Variants in ZFPM2 observed in about 807,000 individuals in gnomAD.
The protein encoded by ZFPM2 is zinc finger protein, FOG family member 2.
ZFPM2 carries 20 observed loss-of-function variants against 98.6 expected under a neutral mutation model. The observed-to-expected ratio is 0.20, with a 90% CI of 0.14 to 0.29. ZFPM2 has a LOEUF of 0.29. Ranked by LOEUF, ZFPM2 falls within the 10% of genes least tolerant of loss-of-function variation. The probability of loss-of-function intolerance (pLI) is 1.00; values close to 1 mark genes in which losing one functional copy is unlikely to be tolerated. For missense variants in ZFPM2, 1,310 were observed against 1,388.6 expected (o/e 0.94, Z 0.90); for synonymous variants, 518 against 502.7 (o/e 1.03, Z -0.41).
At chr8:105,703,135 A>G (rs1811177967) in intron 5 of ZFPM2, among the ~76,000 whole-genome samples, 1 of 152,178 alleles carries the variant, frequency 6.6e-6, no homozygotes, top group South Asian at 2.1e-4. Context: ...GGTAAGAACC[A>G]ATGAGAATGA....
intron 5 of ZFPM2, among the ~76,000 whole-genome samples, chr8:105,672,843 C>A (rs1273139972): frequency 6.6e-6 from 1 of 152,156 alleles, no homozygotes; most frequent in Non-Finnish European, 1.5e-5. Context: ...GAATCATGGA[C>A]GTTAGTTTTC....
chr8:105,801,727 A>G lies in ZFPM2; in HGVS notation c.1645A>G (p.Thr549Ala). The G allele has an allele frequency of 6.2e-7, 1 of 1,613,934 alleles. No homozygotes were observed. The highest frequency in any genetic ancestry group is 8.5e-7 in the Non-Finnish European group (1 of 1,179,872). ...IYSPLMPKGA[T>A]CFECNITFNN... is the part of the protein sequence containing the mutation. ...CAGCCCTTTGATGCCCAAGGGGGCT[A>G]CTTGTTTTGAGTGTAACATAACATT... The change falls in exon 8 of 8, where the codon ACT (threonine) becomes GCT (alanine). Residue 549 changes from threonine (T) to alanine (A), a missense_variant. By Grantham distance (58) the Thr-to-Ala change is moderately conservative. Transcript: ENST00000407775.
intron 1 of ZFPM2, among the ~76,000 whole-genome samples, chr8:105,418,036 C>T (rs577011630): frequency 7.9e-5 from 12 of 152,006 alleles, no homozygotes; most frequent in South Asian, 4.1e-4. Flanking sequence ...ACACTAGATA[C>T]GATACTTATT....
Position 105,503,919 on chromosome 8 carries a change from C to T in ZFPM2, c.302-57444C>T, listed in dbSNP as rs548957262. Among the ~76,000 whole-genome samples the T allele has an allele frequency of 7.9e-5, 12 of 152,286 alleles. No individual in the cohort carries two copies. The East Asian group carries it at 2.1e-3, about 27-fold the overall frequency. On this transcript the variant is annotated intron_variant, in intron 3 of 7. Transcript: ENST00000407775. Reference sequence around the variant, plus strand: ...GAAGAATTTTAAGGTTTATTAATCACTGCAGTCGCTGCTGGTATCCATTCT... The same window carrying T: ...GAAGAATTTTAAGGTTTATTAATCATTGCAGTCGCTGCTGGTATCCATTCT...
intron 3 of ZFPM2, among the ~76,000 whole-genome samples, chr8:105,492,595 C>T (rs1813378807): frequency 6.6e-6 from 1 of 152,056 alleles, no homozygotes; most frequent in South Asian, 2.1e-4. Flanking sequence ...TATTTTAGTA[C>T]CATCAGTGTA....
At chr8:105,552,848 G>A (rs1188537831) in intron 3 of ZFPM2, among the ~76,000 whole-genome samples, 1 of 146,504 alleles carries the variant, frequency 6.8e-6, no homozygotes, top group East Asian at 2.0e-4. Context: ...ACAGGATCTG[G>A]CTCTGTCACC....
At chr8:105,342,615 A>G (rs1210125993) in intron 1 of ZFPM2, among the ~76,000 whole-genome samples, 1 of 152,046 alleles carries the variant, frequency 6.6e-6, no homozygotes. Context: ...AGAAACTCAT[A>G]GAGGGGAATG....
chr8:105,454,228 G>T lies in ZFPM2; in HGVS notation c.301+9847G>T, dbSNP rs547984853. Among the ~76,000 whole-genome samples, 205 of 147,706 alleles carry T rather than the reference G, an allele frequency of 1.4e-3. 2 individuals carry two copies. Among genetic ancestry groups the T allele is most frequent in the African/African-American group, 4.9e-3 (194 of 39,720 alleles). ...TTGTGGAAATGAATTAATTTCTCCT[G>T]GAGTATTTTTCATATTCTAAATTGG... On this transcript the variant is annotated intron_variant, in intron 3 of 7. Coordinates refer to ENST00000407775, the MANE Select transcript of ZFPM2 (RefSeq NM_012082.4).
At chr8:105,761,770 T>C (rs1262127725) in intron 5 of ZFPM2, among the ~76,000 whole-genome samples, 1 of 152,044 alleles carries the variant, frequency 6.6e-6, no homozygotes, top group Non-Finnish European at 1.5e-5. Context: ...AAGGCTGCTT[T>C]ACATATTTTA....
intron 1 of ZFPM2, among the ~76,000 whole-genome samples, chr8:105,339,820 A>T (rs555993393): frequency 6.6e-6 from 1 of 152,028 alleles, no homozygotes; most frequent in East Asian, 1.9e-4. Flanking sequence ...TTTAATTTTT[A>T]AAAACAATAT....
chr8:105,465,866 C>A (rs1299744141), intron 3 of ZFPM2, among the ~76,000 whole-genome samples: 1 of 151,918 alleles, frequency 6.6e-6, no homozygotes, highest in Non-Finnish European at 1.5e-5. Flanking sequence ...ATACACATTT[C>A]TTAAGCAGTT....
At chr8:105,759,207 G>T (rs1263820149) in intron 5 of ZFPM2, among the ~76,000 whole-genome samples, 2 of 152,076 alleles carry the variant, frequency 1.3e-5, no homozygotes, top group Non-Finnish European at 2.9e-5. Context: ...GGCTTTGAAT[G>T]ATTTGAAAGA....
intron 4 of ZFPM2, among the ~76,000 whole-genome samples, chr8:105,580,884 A>C (rs530597674): frequency 2.0e-5 from 3 of 150,606 alleles, no homozygotes; most frequent in Non-Finnish European, 4.4e-5. Context: ...CACATTTACT[A>C]ATTAATTCCC....
intron 4 of ZFPM2, among the ~76,000 whole-genome samples, chr8:105,595,691 A>G (rs893733363): frequency 6.6e-6 from 1 of 152,172 alleles, no homozygotes; most frequent in African/African-American, 2.4e-5. Context: ...TGCTTTCCCA[A>G]GAAATCTGGA....
chr8:105,674,356 T>C (rs537558681), intron 5 of ZFPM2, among the ~76,000 whole-genome samples: 17 of 152,284 alleles, frequency 1.1e-4, no homozygotes, highest in Non-Finnish European at 1.8e-4. Context: ...GGGAAGAGCA[T>C]TGAAATAATT....
At chr8:105,386,029 A>G (rs2129903987) in intron 1 of ZFPM2, among the ~76,000 whole-genome samples, 1 of 152,274 alleles carries the variant, frequency 6.6e-6, no homozygotes, top group East Asian at 1.9e-4. Flanking sequence ...ACCCCCATTC[A>G]TGTAGTTATT....
At chr8:105,566,314 C>T (rs1815242638) in intron 4 of ZFPM2, among the ~76,000 whole-genome samples, 1 of 152,076 alleles carries the variant, frequency 6.6e-6, no homozygotes, top group South Asian at 2.1e-4. Flanking sequence ...TCCAGCATCT[C>T]ACCTCATATC....
chr8:105,436,434 C>T (rs772939663), intron 2 of ZFPM2, among the ~76,000 whole-genome samples: 18 of 150,752 alleles, frequency 1.2e-4, no homozygotes, highest in East Asian at 5.8e-4. Context: ...GCAGGAGAAT[C>T]GCTTGAGGCA....
chr8:105,519,997 TA>T (rs985244224), intron 3 of ZFPM2, among the ~76,000 whole-genome samples: 2 of 151,914 alleles, frequency 1.3e-5, no homozygotes, highest in African/African-American at 4.8e-5. Context: ...CTTTTCTAAC[TA>T]AAAAAAATTG....
Sources: gnomAD v4.1 joint callset for allele counts (sites outside exome capture counted in the v4.1 genomes callset) on GRCh38, gnomAD v4.1.1 for gene constraint, MANE v1.5 for transcripts, NCBI Gene and HGNC (gene_info 2026-07-23, HGNC 2026-07-21) for gene names.